CRYBB1: variants seen among roughly 807,000 people sequenced by gnomAD.
The protein encoded by CRYBB1 is crystallin beta B1, also known as beta-crystallin B1.
Under a neutral mutation model 29.5 loss-of-function variants are expected in CRYBB1, and 16 were observed. The ratio of observed to expected loss-of-function variants is 0.54; its 90% CI spans 0.37 to 0.82. The LOEUF (loss-of-function observed/expected upper bound fraction) is 0.82, where lower values mean the gene tolerates loss of function less well. Ranked by LOEUF, CRYBB1 falls within the 40% of genes least tolerant of loss-of-function variation. CRYBB1 has a pLI of 0.00. For missense variants in CRYBB1, 300 were observed against 350.5 expected, an observed-to-expected ratio of 0.86 and a Z score of 1.15; for synonymous variants, 127 against 136.7, an observed-to-expected ratio of 0.93 and a Z score of 0.49.
intron 2 of CRYBB1, among the ~76,000 whole-genome samples, chr22:26,613,001 T>A (rs1929228392): frequency 6.6e-6 from 1 of 152,036 alleles, no homozygotes. Context: ...CTGCACTCCC[T>A]CTCTCCCATT....
intron 3 of CRYBB1, among the ~76,000 whole-genome samples, chr22:26,610,216 T>A (rs142733013): frequency 1.3e-5 from 2 of 152,182 alleles, no homozygotes; most frequent in African/African-American, 4.8e-5. Context: ...ATATGGAAAC[T>A]GAGGCTAAGA....
intron 1 of CRYBB1, 76 bp from the exon 2 acceptor site, chr22:26,616,414 T>C: frequency 1.0e-6 from 1 of 984,074 alleles, no homozygotes; most frequent in Non-Finnish European, 1.6e-6. Context: ...ATCCTGTGCT[T>C]TCAGCCTCCT....
At chr22:26,614,752 G>T (rs1001697182) in intron 2 of CRYBB1, among the ~76,000 whole-genome samples, 2 of 152,162 alleles carry the variant, frequency 1.3e-5, no homozygotes, top group Admixed American at 1.3e-4. Context: ...AGCACTTGGG[G>T]AGGCGGAGGC....
intron 3 of CRYBB1, among the ~76,000 whole-genome samples, chr22:26,610,931 T>C (rs984287454): frequency 2.6e-5 from 4 of 152,158 alleles, no homozygotes; most frequent in African/African-American, 9.7e-5. Flanking sequence ...ACTGGAACCC[T>C]TGCAGGCTTT....
chr22:26,606,849 A>G (rs1928990107), intron 4 of CRYBB1, among the ~76,000 whole-genome samples: 1 of 152,130 alleles, frequency 6.6e-6, no homozygotes, highest in African/African-American at 2.4e-5. Context: ...CTGGTTCATG[A>G]CTCATCATCA....
At chr22:26,615,659 G>A (rs892926556) in intron 2 of CRYBB1, among the ~76,000 whole-genome samples, 18 of 151,952 alleles carry the variant, frequency 1.2e-4, no homozygotes, top group Non-Finnish European at 2.2e-4. Context: ...GATTACAGGC[G>A]CCCACCACTA....
chr22:26,616,648 C>T (rs1442115499), intron 1 of CRYBB1, among the ~76,000 whole-genome samples: 3 of 152,238 alleles, frequency 2.0e-5, no homozygotes, highest in Non-Finnish European at 4.4e-5. Flanking sequence ...CTGCTTATCA[C>T]ACTGATTTGC....
intron 4 of CRYBB1, among the ~76,000 whole-genome samples, chr22:26,603,643 G>A (rs891121686): frequency 3.3e-5 from 5 of 151,308 alleles, no homozygotes; most frequent in South Asian, 2.1e-4. Flanking sequence ...GGTGGCTCAC[G>A]CCTGTAATCC....
Position 26,599,583 on chromosome 22 carries a change from G to A in CRYBB1, c.666C>T (p.Phe222=). The change falls in exon 6 of 6, where the codon TTC becomes TTT. Residue 222 remains phenylalanine, a synonymous_variant. Transcript: ENST00000647684. ...DFRHWNEWGA[F]QPQMQSLRRL... is the part of the protein sequence containing the mutation. ...GACGCAGGGACTGCATCTGTGGCTG[G>A]AAGGCTCCCCACTCATTCCAGTGCC... The A allele has an allele frequency of 6.2e-7, 1 of 1,614,208 alleles. No homozygotes were observed. Among genetic ancestry groups the A allele is most frequent in the African/African-American group, 1.3e-5 (1 of 75,072 alleles).
chr22:26,600,401 C>CA (rs756205214), intron 5 of CRYBB1, among the ~76,000 whole-genome samples: 183 of 139,450 alleles, frequency 1.3e-3, no homozygotes, highest in Admixed American at 1.9e-3. Context: ...GACTCCATCT[C>CA]AAAAAAAAAA....
chr22:26,612,061 C>G lies in CRYBB1; in HGVS notation c.299+11G>C. The G allele has an allele frequency of 1.9e-6, 3 of 1,597,110 alleles. No individual in the cohort carries two copies. Among genetic ancestry groups the G allele is most frequent in the Non-Finnish European group, 2.6e-6 (3 of 1,165,168 alleles). The stretch of plus-strand genomic sequence containing the variant: ...GGCAGAGAGTGTGCCCCTCCGCCGC[C>G]CAGTACTCACGGTCCCGCGGAGACA... On this transcript the variant is annotated intron_variant, in intron 3 of 5. Transcript: ENST00000647684.
intron 5 of CRYBB1, among the ~76,000 whole-genome samples, chr22:26,600,275 A>G (rs1342798858): frequency 6.6e-6 from 1 of 152,008 alleles, no homozygotes; most frequent in Non-Finnish European, 1.5e-5. Flanking sequence ...GGTGGTGGGC[A>G]CCTGTAGTCC....
intron 2 of CRYBB1, 41 bp from the exon 3 acceptor site, chr22:26,612,231 G>A (rs202110618): frequency 1.4e-6 from 2 of 1,397,798 alleles, no homozygotes; most frequent in Admixed American, 3.4e-5. Context: ...AGAGTGAGGG[G>A]GGAGTCAAAA....
At chr22:26,601,463 T>C (rs993690262) in intron 5 of CRYBB1, among the ~76,000 whole-genome samples, 1 of 151,828 alleles carries the variant, frequency 6.6e-6, no homozygotes, top group Non-Finnish European at 1.5e-5. Context: ...GTCAGGGCCA[T>C]CTTATGATGC....
At chr22:26,603,587 T>G (rs1416672001) in intron 4 of CRYBB1, among the ~76,000 whole-genome samples, 1 of 150,850 alleles carries the variant, frequency 6.6e-6, no homozygotes, top group Non-Finnish European at 1.5e-5. Flanking sequence ...TCATGGCTAC[T>G]CAACTCACGG....
intron 4 of CRYBB1, among the ~76,000 whole-genome samples, chr22:26,605,642 C>T (rs1221631839): frequency 7.7e-6 from 1 of 129,744 alleles, no homozygotes; most frequent in Non-Finnish European, 1.5e-5. Flanking sequence ...CACTACACTC[C>T]AGCCTGGGCA....
chr22:26,607,822 A>C, intron 4 of CRYBB1, 67 bp downstream of exon 4: 1 of 1,610,388 alleles, frequency 6.2e-7, no homozygotes, highest in South Asian at 1.1e-5. Context: ...CCCTTGTCAG[A>C]TCTCAGACTT....
intron 4 of CRYBB1, 122 bp from the exon 5 acceptor site, chr22:26,602,143 T>A: frequency 8.1e-7 from 1 of 1,239,048 alleles, no homozygotes; most frequent in East Asian, 2.4e-5. Flanking sequence ...TGGGGGACTC[T>A]CCAGGGACCA....
intron 3 of CRYBB1, among the ~76,000 whole-genome samples, chr22:26,609,931 C>T (rs1929103478): frequency 6.6e-6 from 1 of 152,104 alleles, no homozygotes; most frequent in Non-Finnish European, 1.5e-5. Context: ...AGAGGGAATG[C>T]ATGGAACAGA....
Sources: allele counts gnomAD v4.1 joint callset (sites outside exome capture counted in the v4.1 genomes callset), GRCh38; gene constraint gnomAD v4.1.1; transcripts MANE v1.5; gene names NCBI Gene and HGNC (gene_info 2026-07-23, HGNC 2026-07-21).